Variants in GPSM1 observed in about 807,000 individuals in gnomAD.
GPSM1 encodes G protein signaling modulator 1.
A neutral mutation model predicts 70.5 loss-of-function variants in GPSM1; 48 were observed. The observed-to-expected ratio is 0.68, with a 90% CI of 0.54 to 0.87. GPSM1 has a LOEUF of 0.87. GPSM1 is among the 40% of genes least tolerant of loss of function. The probability of loss-of-function intolerance (pLI) is 0.00; values close to 1 mark genes in which losing one functional copy is unlikely to be tolerated. For missense variants in GPSM1, 981 were observed against 972.6 expected (o/e 1.01, Z -0.11); for synonymous variants, 416 against 430.1 (o/e 0.97, Z 0.41).
In GPSM1 at chr9:136,344,144, CGGGGGAGGTGCGGACAGGATCG is replaced by C. The variant is rs1255678423; in HGVS notation, c.1207+3160_1207+3181del. Among the ~76,000 whole-genome samples, 151 of 118,684 alleles carry C rather than the reference CGGGGGAGGTGCGGACAGGATCG, an allele frequency of 1.3e-3. 1 individual carries two copies. The highest frequency in any genetic ancestry group is 4.7e-3 in the African/African-American group (149 of 31,740). The allele number at this position is 118,684 out of a possible 152,430, so 77.9% of individuals were successfully genotyped here. Reference sequence around the variant, plus strand: ...CCCAACAGGGAGGTGCGGACAGGAACGGGGGAGGTGCGGACAGGATCGGGGGGAGGCGCGGACAGGAGCGGGG... The same window carrying C: ...CCCAACAGGGAGGTGCGGACAGGAACGGGGGAGGCGCGGACAGGAGCGGGG... On this transcript the variant is annotated intron_variant, in intron 9 of 13. Transcript: ENST00000440944.
intron 6 of GPSM1, 60 bp from the exon 7 acceptor site, chr9:136,338,495 A>G (rs906795389): frequency 2.4e-5 from 36 of 1,518,778 alleles, no homozygotes; most frequent in Admixed American, 5.8e-5. Context: ...CCCCATTCTT[A>G]CCTTCCACCC....
In GPSM1 at chr9:136,340,643, G is replaced by A. The variant is rs553298647; in HGVS notation, c.1084-227G>A. Among the ~76,000 whole-genome samples the A allele has an allele frequency of 2.1e-4, 32 of 152,180 alleles. No homozygotes were observed. Among genetic ancestry groups the A allele is most frequent in the Admixed American group, 1.6e-3 (24 of 15,296 alleles). ...CCCCAAGCATCTCTGGGGTGAACTAGGGGCTGTTGAGGACCTGTGGGGCCA... is the reference window on the plus strand; with the variant it reads ...CCCCAAGCATCTCTGGGGTGAACTAAGGGCTGTTGAGGACCTGTGGGGCCA... On this transcript the variant is annotated intron_variant, in intron 8 of 13. Coordinates refer to ENST00000440944, the MANE Select transcript of GPSM1 (RefSeq NM_001145638.3). The surrounding 1 kb of genome is among the most constrained non-coding windows in gnomAD (Gnocchi z 7.3).
rs550853033 is a variant in GPSM1, at chr9:136,337,803, G to A, written c.703-43G>A. On this transcript the variant is annotated intron_variant, in intron 5 of 13. Coordinates refer to ENST00000440944, the MANE Select transcript of GPSM1 (RefSeq NM_001145638.3). ...CCCCTGTCCGCCCACGTCAGGCCCC[G>A]GGGCTGCGCCATGACCACCTGGCCT... The A allele has an allele frequency of 2.9e-4, 427 of 1,478,350 alleles. 1 individual carries two copies. Among genetic ancestry groups the A allele is most frequent in the Non-Finnish European group, 3.3e-4 (353 of 1,060,440 alleles). The allele number at this position is 1,478,350 out of a possible 1,614,324, so 91.6% of individuals were successfully genotyped here.
Position 136,353,365 on chromosome 9 carries a change from G to A in GPSM1, c.1456-2325G>A, listed in dbSNP as rs73565143. 6.6e-3 allele frequency among the ~76,000 whole-genome samples: 1,003 copies of A among 152,314 alleles called. 13 individuals carry two copies. Among genetic ancestry groups the A allele is most frequent in the African/African-American group, 0.023 (948 of 41,568 alleles). On this transcript the variant is annotated intron_variant, in intron 11 of 13. Coordinates refer to ENST00000440944, the MANE Select transcript of GPSM1 (RefSeq NM_001145638.3). ...GAGGGAGCCAGGGCTTGGGGCAAGG[G>A]AGAGGTTAGAGCAGGGAGGCGGAAC... is the stretch of plus-strand genomic sequence containing the variant.
chr9:136,356,846 G>T (rs572227486), intron 13 of GPSM1, among the ~76,000 whole-genome samples: 1 of 152,326 alleles, frequency 6.6e-6, no homozygotes, highest in South Asian at 2.1e-4. Context: ...TGGGGGCTGG[G>T]GGGTCACAGG....
chr9:136,331,839 G>C, intron 1 of GPSM1: 1 of 394,766 alleles, frequency 2.5e-6, no homozygotes, highest in Non-Finnish European at 4.5e-6. Context: ...TCAGGGATTG[G>C]GGAGGCCCCC....
intron 11 of GPSM1, among the ~76,000 whole-genome samples, chr9:136,354,210 A>G (rs1376765098): frequency 6.6e-6 from 1 of 152,188 alleles, no homozygotes; most frequent in Non-Finnish European, 1.5e-5. Context: ...GCTCAGCTCA[A>G]GGGTCTGAAT....
At position 136,356,348 on chromosome 9, in the gene GPSM1, C is replaced by G; in HGVS notation, c.1619C>G (p.Pro540Arg). The change falls in exon 13 of 14, where the codon CCC becomes CGC. Residue 540 changes from proline to arginine, a missense_variant. Pro to Arg is a moderately radical substitution (Grantham distance 103). Transcript: ENST00000440944. Reference sequence around the variant, plus strand: ...ACCCTCTGGCCCCCCGCAGCCCAGCCCTCGATGACGGCCTCGCCCCAGACC... The same window carrying G: ...ACCCTCTGGCCCCCCGCAGCCCAGCGCTCGATGACGGCCTCGCCCCAGACC... ...APTLEDRIAQ[P>R]SMTASPQTEE... 6.3e-7 allele frequency: 1 copy of G among 1,585,380 alleles called. No individual in the cohort carries two copies. Among genetic ancestry groups the G allele is most frequent in the African/African-American group, 1.3e-5 (1 of 74,300 alleles).
At chr9:136,355,005 A>C (rs1832776457) in intron 11 of GPSM1, 1 of 1,083,640 alleles carries the variant, frequency 9.2e-7, no homozygotes, top group Non-Finnish European at 1.1e-6. Context: ...AGTCCGGGGC[A>C]GTCGGCGGGT....
In GPSM1 at chr9:136,337,576, A is replaced by G. The variant is rs28489139; in HGVS notation, c.702+12A>G. ...CCTTCCACAAGGAGGTGAGCCGGGC[A>G]GGGTGACAGGGTGGAGGGGCCGGGC... On this transcript the variant is annotated intron_variant, in intron 5 of 13. Coordinates refer to ENST00000440944, the MANE Select transcript of GPSM1 (RefSeq NM_001145638.3). 146,491 of 1,552,906 alleles carry G rather than the reference A, an allele frequency of 0.094. 11,188 individuals carry two copies. Among genetic ancestry groups the G allele is most frequent in the African/African-American group, 0.32 (23,199 of 73,366 alleles).
intron 7 of GPSM1, 28 bp downstream of exon 7, chr9:136,338,738 AC>A: frequency 6.6e-7 from 1 of 1,524,302 alleles, no homozygotes; most frequent in Non-Finnish European, 8.8e-7. Context: ...CGGCGGGCAG[AC>A]CCGGCCCGGC....
In GPSM1 at chr9:136,341,479, C is replaced by T. The variant is rs1832390305; in HGVS notation, c.1207+486C>T. ...CACCGTGGTGACCTCATTCATGGACCGCTGGTCGTCCCATGCCGGTCAGCA... is the reference window on the plus strand; with the variant it reads ...CACCGTGGTGACCTCATTCATGGACTGCTGGTCGTCCCATGCCGGTCAGCA... On this transcript the variant is annotated intron_variant, in intron 9 of 13. Transcript: ENST00000440944. The surrounding 1 kb of genome is among the most constrained non-coding windows in gnomAD (Gnocchi z 6.7). 9.3e-6 allele frequency: 12 copies of T among 1,292,836 alleles called. No homozygotes were observed. Among genetic ancestry groups the T allele is most frequent in the South Asian group, 3.9e-5 (2 of 51,820 alleles). The allele number at this position is 1,292,836 out of a possible 1,614,324, so 80.1% of individuals were successfully genotyped here. A position where few individuals can be genotyped will look rare whatever the true frequency, so the allele number is the denominator to read the frequency against.
intron 9 of GPSM1, among the ~76,000 whole-genome samples, chr9:136,346,693 AC>A (rs1832530920): frequency 6.6e-6 from 1 of 152,220 alleles, no homozygotes; most frequent in Non-Finnish European, 1.5e-5. Flanking sequence ...ACCCTGAGAG[AC>A]CCTGACACTC....
intron 3 of GPSM1, among the ~76,000 whole-genome samples, chr9:136,336,307 C>A (rs1279625973): frequency 6.6e-6 from 1 of 152,114 alleles, no homozygotes; most frequent in Non-Finnish European, 1.5e-5. Flanking sequence ...CACTGCAGCC[C>A]AGGCCCCCAC....
chr9:136,357,317 C>T (rs1202161753), intron 13 of GPSM1, among the ~76,000 whole-genome samples: 5 of 152,206 alleles, frequency 3.3e-5, no homozygotes, highest in Non-Finnish European at 7.3e-5. Context: ...CCAGGTCTGC[C>T]GTCCTCCCCA....
chr9:136,328,849 C>A (rs1832039197), intron 1 of GPSM1, among the ~76,000 whole-genome samples: 1 of 152,196 alleles, frequency 6.6e-6, no homozygotes, highest in Non-Finnish European at 1.5e-5. Flanking sequence ...CAGGGGCCTG[C>A]CCTAAAGGAT....
chr9:136,334,366 C>T, intron 1 of GPSM1, 81 bp from the exon 2 acceptor site: 2 of 987,744 alleles, frequency 2.0e-6, no homozygotes, highest in Non-Finnish European at 3.1e-6. Context: ...GGGGCGTCGT[C>T]TGTAGTGAAG....
chr9:136,337,150 G>T, intron 4 of GPSM1, 78 bp downstream of exon 4: 1 of 1,329,294 alleles, frequency 7.5e-7, no homozygotes, highest in Non-Finnish European at 1.0e-6. Flanking sequence ...CCAGACCCCC[G>T]ACCCCAGCCC....
At chr9:136,347,190 C>T (rs573367711) in intron 9 of GPSM1, among the ~76,000 whole-genome samples, 3 of 152,256 alleles carry the variant, frequency 2.0e-5, no homozygotes, top group South Asian at 2.1e-4. Context: ...TCCATGCCGG[C>T]GCAGTCTGAT....
Sources: allele counts gnomAD v4.1 joint callset (sites outside exome capture counted in the v4.1 genomes callset), GRCh38; gene constraint gnomAD v4.1.1; non-coding constraint Gnocchi (gnomAD v3.1); transcripts MANE v1.5; gene names NCBI Gene and HGNC (gene_info 2026-07-23, HGNC 2026-07-21).